The following WDR70 variants were observed in gnomAD, a reference collection of about 807,000 sequenced individuals.
The protein encoded by WDR70 is WD repeat-containing protein 70.
WDR70 carries 53 observed loss-of-function variants against 88.6 expected under a neutral mutation model. The ratio of observed to expected loss-of-function variants is 0.60; its 90% CI spans 0.48 to 0.75. WDR70 has a LOEUF of 0.75. Ranked by LOEUF, WDR70 falls within the 30% of genes least tolerant of loss-of-function variation. The pLI, the probability that WDR70 is intolerant of heterozygous loss-of-function variation, is 0.00. For missense variants in WDR70, 610 were observed against 823.2 expected (o/e 0.74, Z 3.17); for synonymous variants, 280 against 270.0 (o/e 1.04, Z -0.36).
chr5:37,563,307 C>A (rs1483998561), intron 9 of WDR70, among the ~76,000 whole-genome samples: 6 of 43,682 alleles, frequency 1.4e-4, no homozygotes, highest in East Asian at 8.1e-4. Flanking sequence ...GGGGGGCTGG[C>A]CCCCCACCTC....
chr5:37,542,552 A>T (rs1178694565), intron 9 of WDR70, among the ~76,000 whole-genome samples: 1 of 152,022 alleles, frequency 6.6e-6, no homozygotes, highest in African/African-American at 2.4e-5. Flanking sequence ...AAGTGCTGGG[A>T]TTCCAGGTGT....
At chr5:37,416,467 C>T (rs1749755339) in intron 5 of WDR70, among the ~76,000 whole-genome samples, 1 of 151,732 alleles carries the variant, frequency 6.6e-6, no homozygotes, top group South Asian at 2.1e-4. Flanking sequence ...CAGTACAGTC[C>T]AGCTTCGGCT....
At chr5:37,565,456 T>C (rs1399184270) in intron 9 of WDR70, among the ~76,000 whole-genome samples, 1 of 152,176 alleles carries the variant, frequency 6.6e-6, no homozygotes, top group East Asian at 1.9e-4. Context: ...TGAAATAGTT[T>C]AGCTGGTAGA....
chr5:37,624,686 T>C (rs1214517363), intron 10 of WDR70, among the ~76,000 whole-genome samples: 2 of 152,152 alleles, frequency 1.3e-5, no homozygotes, highest in African/African-American at 4.8e-5. Flanking sequence ...GGAATGAAGA[T>C]CAAAAGATAC....
At chr5:37,580,574 A>G (rs1461312370) in intron 9 of WDR70, among the ~76,000 whole-genome samples, 1 of 152,222 alleles carries the variant, frequency 6.6e-6, no homozygotes, top group Admixed American at 6.5e-5. Context: ...ATGTTGCTAT[A>G]TTCTCTCTTT....
intron 10 of WDR70, among the ~76,000 whole-genome samples, chr5:37,617,428 T>G (rs939012095): frequency 6.6e-6 from 1 of 152,234 alleles, no homozygotes; most frequent in African/African-American, 2.4e-5. Flanking sequence ...AATTATAATT[T>G]GATAAAGATG....
rs776444993 is a variant in WDR70 at position 37,379,383 on chromosome 5, C to A, written c.16C>A (p.Pro6Thr). The change falls in exon 1 of 18, where the codon CCC (proline) becomes ACC (threonine). Residue 6 changes from proline to threonine, a missense_variant. Around this residue, in one of 4 missense-constraint regions of WDR70, gnomAD observed 203 missense variants for 228.1 expected, o/e 0.89. Coordinates refer to ENST00000265107, the MANE Select transcript of WDR70 (RefSeq NM_018034.4). MERSG[P>T]SEVTGSDASG... ...GCGGCCAGCCATGGAGCGCTCTGGG[C>A]CCAGCGAAGGTGGGTTTCATGAGGC... is the stretch of plus-strand genomic sequence containing the variant. 3.7e-5 allele frequency: 59 copies of A among 1,613,516 alleles called. No homozygotes were observed. The highest frequency in any genetic ancestry group is 2.2e-5 in the South Asian group (2 of 91,066).
At chr5:37,518,995 G>A (rs1033003980) in intron 9 of WDR70, among the ~76,000 whole-genome samples, 3 of 152,170 alleles carry the variant, frequency 2.0e-5, no homozygotes, top group African/African-American at 7.2e-5. Flanking sequence ...CAGAGAGCAC[G>A]GGGTTGGGGG....
intron 9 of WDR70, among the ~76,000 whole-genome samples, chr5:37,533,686 C>G (rs1186005707): frequency 3.3e-5 from 5 of 152,112 alleles, no homozygotes; most frequent in Non-Finnish European, 7.4e-5. Flanking sequence ...GCTTTGGCTG[C>G]TGTGGGGGAT....
intron 9 of WDR70, among the ~76,000 whole-genome samples, chr5:37,573,168 T>C (rs80199758): frequency 0.023 from 3,575 of 152,300 alleles, 55 homozygotes; most frequent in Non-Finnish European, 0.037. Flanking sequence ...TGGGTTTTTT[T>C]CTCCTGTAAT....
intron 9 of WDR70, among the ~76,000 whole-genome samples, chr5:37,579,404 T>A (rs912837146): frequency 6.6e-6 from 1 of 151,832 alleles, no homozygotes; most frequent in African/African-American, 2.4e-5. Flanking sequence ...GCCAACATGG[T>A]GAAACCCCGT....
intron 10 of WDR70, among the ~76,000 whole-genome samples, chr5:37,625,380 A>G (rs995221145): frequency 1.3e-5 from 2 of 152,116 alleles, no homozygotes; most frequent in African/African-American, 2.4e-5. Context: ...TCTAACTGGA[A>G]TGAGATGTTA....
chr5:37,436,420 G>T (rs957012566), intron 5 of WDR70, among the ~76,000 whole-genome samples: 1 of 152,088 alleles, frequency 6.6e-6, no homozygotes, highest in Non-Finnish European at 1.5e-5. Context: ...AAAAACTCTA[G>T]CATTTCTGGC....
intron 9 of WDR70, among the ~76,000 whole-genome samples, chr5:37,530,056 T>G (rs1741433425): frequency 6.6e-6 from 1 of 152,208 alleles, no homozygotes; most frequent in Non-Finnish European, 1.5e-5. Flanking sequence ...TGTCAAATGC[T>G]TTTTCTGCAT....
intron 5 of WDR70, among the ~76,000 whole-genome samples, chr5:37,435,511 C>T (rs1429715565): frequency 3.3e-5 from 5 of 152,078 alleles, no homozygotes; most frequent in Non-Finnish European, 5.9e-5. Flanking sequence ...GAGGTATGTG[C>T]AGCACTTTCC....
chr5:37,507,625 T>G (rs1470948512), intron 8 of WDR70, among the ~76,000 whole-genome samples: 1 of 152,358 alleles, frequency 6.6e-6, no homozygotes, highest in African/African-American at 2.4e-5. Flanking sequence ...ATTTGGAGAA[T>G]TGATGTTTTC....
intron 8 of WDR70, 129 bp downstream of exon 8, chr5:37,480,116 C>A: frequency 1.7e-6 from 2 of 1,176,194 alleles, no homozygotes; most frequent in Non-Finnish European, 2.4e-6. Context: ...TTTGTTCTCA[C>A]AATCATGTGG....
At chr5:37,592,045 A>T (rs1239930516) in intron 9 of WDR70, among the ~76,000 whole-genome samples, 1 of 152,218 alleles carries the variant, frequency 6.6e-6, no homozygotes, top group Non-Finnish European at 1.5e-5. Context: ...AAGGGCATCT[A>T]TGAAAAACCT....
At chr5:37,526,439 A>G (rs1202186523) in intron 9 of WDR70, among the ~76,000 whole-genome samples, 1 of 152,238 alleles carries the variant, frequency 6.6e-6, no homozygotes, top group East Asian at 1.9e-4. Flanking sequence ...ATAGCCCTTC[A>G]TGCTAAAAAC....
Sources: allele counts gnomAD v4.1 joint callset (sites outside exome capture counted in the v4.1 genomes callset), GRCh38; gene constraint gnomAD v4.1.1; regional missense constraint gnomAD v4.1.1; transcripts MANE v1.5; gene names NCBI Gene and HGNC (gene_info 2026-07-23, HGNC 2026-07-21).